Variants in HDAC8 observed in about 807,000 individuals in gnomAD.
HDAC8 encodes histone deacetylase-like 1.
A neutral mutation model predicts 32.2 loss-of-function variants in HDAC8; 1 was observed. The observed-to-expected ratio is 0.03, with a 90% CI of 0.01 to 0.15. The LOEUF is 0.15. HDAC8 is among the 10% of genes least tolerant of loss of function. The pLI, the probability that HDAC8 is intolerant of heterozygous loss-of-function variation, is 1.00. For synonymous variants in HDAC8, 108 were observed against 113.9 expected, an observed-to-expected ratio of 0.95 and a Z score of 0.33; for missense variants, 117 against 300.0, an observed-to-expected ratio of 0.39 and a Z score of 4.51.
At chrX:72,371,123 T>A (rs1225195070) in intron 9 of HDAC8, among the ~76,000 whole-genome samples, 5 of 111,923 alleles carry the variant, frequency 4.5e-5, no homozygotes, top group African/African-American at 1.6e-4. Flanking sequence ...TAGAGATACA[T>A]ACTAAAATAT....
At chrX:72,545,192 G>T (rs1162596300) in intron 4 of HDAC8, among the ~76,000 whole-genome samples, 1 of 111,772 alleles carries the variant, frequency 8.9e-6, no homozygotes, top group Non-Finnish European at 1.9e-5. Flanking sequence ...AGGCAGTAGA[G>T]AATAGTCTAT....
chrX:72,338,036 C>A (rs574835590), intron 10 of HDAC8, among the ~76,000 whole-genome samples: 4 of 112,084 alleles, frequency 3.6e-5, no homozygotes, highest in African/African-American at 1.3e-4. Context: ...CTTAGGACCA[C>A]CCAAGCTAAG....
intron 7 of HDAC8, among the ~76,000 whole-genome samples, chrX:72,488,204 T>C (rs782186320): frequency 1.8e-5 from 2 of 111,677 alleles, no homozygotes; most frequent in Non-Finnish European, 3.8e-5. Context: ...ACGAGCTAAG[T>C]TGGGGAGGGA....
chrX:72,436,269 A>T (rs2046949092), intron 9 of HDAC8, among the ~76,000 whole-genome samples: 1 of 112,088 alleles, frequency 8.9e-6, no homozygotes, highest in South Asian at 3.7e-4. Flanking sequence ...CAATAAAAAT[A>T]ATAATCAAAT....
chrX:72,443,705 T>C (rs1175882570), intron 9 of HDAC8, among the ~76,000 whole-genome samples: 3 of 107,181 alleles, frequency 2.8e-5, no homozygotes. Flanking sequence ...CTGAAGGAAA[T>C]ACAGACACAA....
At chrX:72,350,632 A>G (rs2044151478) in intron 10 of HDAC8, among the ~76,000 whole-genome samples, 1 of 112,608 alleles carries the variant, frequency 8.9e-6, no homozygotes, top group African/African-American at 3.2e-5. Context: ...TCTAAAAAAT[A>G]CACATATGTA....
intron 6 of HDAC8, among the ~76,000 whole-genome samples, chrX:72,489,581 C>A (rs782091750): frequency 8.2e-5 from 9 of 110,425 alleles, no homozygotes; most frequent in Non-Finnish European, 1.3e-4. Flanking sequence ...CCCTTCCTTA[C>A]ACCTTATACA....
intron 4 of HDAC8, among the ~76,000 whole-genome samples, chrX:72,549,102 C>T (rs2050974733): frequency 8.9e-6 from 1 of 111,874 alleles, no homozygotes; most frequent in African/African-American, 3.2e-5. Context: ...GGGCCAATAT[C>T]ACTTCTGTTG....
intron 4 of HDAC8, among the ~76,000 whole-genome samples, chrX:72,530,008 C>T (rs1237145381): frequency 8.9e-6 from 1 of 112,423 alleles, no homozygotes; most frequent in Non-Finnish European, 1.9e-5. Flanking sequence ...TCTGAGGCCT[C>T]CCAGCCATGC....
chrX:72,354,277 A>C (rs2044266177), intron 9 of HDAC8, among the ~76,000 whole-genome samples: 1 of 112,266 alleles, frequency 8.9e-6, no homozygotes, highest in African/African-American at 3.2e-5. Flanking sequence ...ATCAGATGTT[A>C]TTCCCAGGTC....
At chrX:72,341,104 C>T (rs1035263121) in intron 10 of HDAC8, among the ~76,000 whole-genome samples, 2 of 111,414 alleles carry the variant, frequency 1.8e-5, no homozygotes, top group Non-Finnish European at 3.8e-5. Context: ...GCATGTGAGC[C>T]CAGCATGGCT....
chrX:72,437,280 G>C (rs1179677051), intron 9 of HDAC8, among the ~76,000 whole-genome samples: 2 of 111,786 alleles, frequency 1.8e-5, no homozygotes, highest in African/African-American at 6.5e-5. Context: ...ATGAGGGACT[G>C]TGCCGTGAGG....
At position 72,525,769 on chromosome X, in the gene HDAC8, G is replaced by A. The variant is rs1352933494; in HGVS notation, c.438-30501C>T. Among the ~76,000 whole-genome samples, 7 of 84,847 alleles carry A rather than the reference G, an allele frequency of 8.3e-5. No individual in the cohort carries two copies. The Admixed American group carries it at 1.0e-3, about 12-fold the overall frequency. The allele number at this position is 84,847 out of a possible 115,157, so 73.7% of individuals were successfully genotyped here. A position where few individuals can be genotyped will look rare whatever the true frequency, so the allele number is the denominator to read the frequency against. Reference sequence around the variant, plus strand: ...GCGGAGCTTGCAGTGAGCCGAGATCGCGCCACTGCACTCCAGCCTGGGCAA... The same window carrying A: ...GCGGAGCTTGCAGTGAGCCGAGATCACGCCACTGCACTCCAGCCTGGGCAA... On this transcript the variant is annotated intron_variant, in intron 4 of 10. Transcript: ENST00000373573.
intron 9 of HDAC8, among the ~76,000 whole-genome samples, chrX:72,387,947 AG>A (rs1215680997): frequency 2.7e-5 from 3 of 110,613 alleles, no homozygotes; most frequent in Admixed American, 1.9e-4. Context: ...TAAACTATGG[AG>A]GGGAGGGGTG....
intron 9 of HDAC8, among the ~76,000 whole-genome samples, chrX:72,359,058 T>G (rs369499977): frequency 1.1e-5 from 1 of 88,693 alleles, no homozygotes. Flanking sequence ...CTGTATACTG[T>G]TTTTTTTTTT....
intron 4 of HDAC8, among the ~76,000 whole-genome samples, chrX:72,559,701 G>C (rs2051448142): frequency 9.2e-6 from 1 of 108,597 alleles, no homozygotes; most frequent in South Asian, 4.1e-4. Context: ...GGGATGTGAG[G>C]AGCGCCTCTG....
intron 9 of HDAC8, among the ~76,000 whole-genome samples, chrX:72,397,589 T>G (rs1722052418): frequency 1.8e-5 from 2 of 111,788 alleles, no homozygotes; most frequent in East Asian, 2.8e-4. Flanking sequence ...GCACACTTCC[T>G]CCACCCTAGA....
chrX:72,476,794 C>T (rs1469543754), intron 7 of HDAC8, among the ~76,000 whole-genome samples: 3 of 111,791 alleles, frequency 2.7e-5, no homozygotes, highest in African/African-American at 9.8e-5. Context: ...GGCCTCAAGT[C>T]AGGCCCTTTG....
At chrX:72,407,000 T>C (rs1382899757) in intron 9 of HDAC8, among the ~76,000 whole-genome samples, 2 of 112,558 alleles carry the variant, frequency 1.8e-5, no homozygotes, top group African/African-American at 6.5e-5. Flanking sequence ...AACAAAGTTC[T>C]GTCAATCTTT....
Sources: allele counts gnomAD v4.1 joint callset (sites outside exome capture counted in the v4.1 genomes callset), GRCh38; gene constraint gnomAD v4.1.1; transcripts MANE v1.5; gene names NCBI Gene and HGNC (gene_info 2026-07-23, HGNC 2026-07-21).